The following ARPP21 variants were observed in gnomAD, a reference collection of about 807,000 sequenced individuals.
ARPP21 encodes cAMP regulated phosphoprotein 21.
In ARPP21, 69 loss-of-function variants were observed where a neutral mutation model predicts 113.2. The ratio of observed to expected loss-of-function variants is 0.61; its 90% confidence interval spans 0.50 to 0.74. The LOEUF (loss-of-function observed/expected upper bound fraction) is 0.74. ARPP21 is among the 30% of genes least tolerant of loss of function. The probability of loss-of-function intolerance (pLI) is 0.00; values close to 1 mark genes in which losing one functional copy is unlikely to be tolerated. For missense variants in ARPP21, 1,070 were observed against 1,037.4 expected (o/e 1.03, Z -0.43); for synonymous variants, 368 against 375.5 (o/e 0.98, Z 0.23).
At chr3:35,793,539 G>C (rs1194124058) in intron 20 of ARPP21, among the ~76,000 whole-genome samples, 162 bp from the exon 21 acceptor site, 2 of 152,218 alleles carry the variant, frequency 1.3e-5, no homozygotes, top group Non-Finnish European at 2.9e-5. Context: ...GAGAGGTTAA[G>C]TGACTTTCCT....
chr3:35,721,937 A>G (rs1576301612), intron 14 of ARPP21, 103 bp downstream of exon 14: 4 of 702,710 alleles, frequency 5.7e-6, no homozygotes, highest in Non-Finnish European at 9.4e-6. Flanking sequence ...GATAATGATG[A>G]TATTAATCAC....
At chr3:35,740,133 C>T (rs1186157191) in intron 18 of ARPP21, among the ~76,000 whole-genome samples, 1 of 152,174 alleles carries the variant, frequency 6.6e-6, no homozygotes, top group Admixed American at 6.5e-5. Context: ...TCACAGGTAG[C>T]CATTAATCAT....
intron 1 of ARPP21, among the ~76,000 whole-genome samples, chr3:35,666,846 G>T (rs2074490686): frequency 6.6e-6 from 1 of 152,040 alleles, no homozygotes. Flanking sequence ...AAATTAAACA[G>T]GTTTTTTTGA....
At chr3:35,776,223 A>C (rs1364631118) in intron 19 of ARPP21, among the ~76,000 whole-genome samples, 1 of 152,176 alleles carries the variant, frequency 6.6e-6, no homozygotes, top group Non-Finnish European at 1.5e-5. Flanking sequence ...TGTTAATTGA[A>C]ATATTATGCT....
chr3:35,738,199 T>A lies in ARPP21; in HGVS notation c.1645-15T>A. 6.7e-7 allele frequency: 1 copy of A among 1,500,156 alleles called. No homozygotes were observed. Among genetic ancestry groups the A allele is most frequent in the East Asian group, 2.5e-5 (1 of 40,762 alleles). 92.9% of individuals were successfully genotyped at this position (1,500,156 alleles called of 1,614,324 possible). A position where few individuals can be genotyped will look rare whatever the true frequency, so the allele number is the denominator to read the frequency against. ...GTGCTTTTCTGTCAGCTGATCAATTTTTTCTTTCCTCCAGTCTGTCCAGGG... is the reference window on the plus strand; with the variant it reads ...GTGCTTTTCTGTCAGCTGATCAATTATTTCTTTCCTCCAGTCTGTCCAGGG... On this transcript the variant is annotated splice_polypyrimidine_tract_variant and intron_variant, in intron 16 of 20. Coordinates refer to ENST00000684406, the MANE Select transcript of ARPP21 (RefSeq NM_001385562.1).
intron 19 of ARPP21, among the ~76,000 whole-genome samples, chr3:35,767,378 T>G (rs903834823): frequency 3.3e-5 from 5 of 152,188 alleles, no homozygotes; most frequent in Non-Finnish European, 5.9e-5. Context: ...TTTATACTGT[T>G]TCTGGACTCT....
At position 35,754,816 on chromosome 3, in the gene ARPP21, T is replaced by A. The variant is rs114543407; in HGVS notation, c.2137+10851T>A. Among the ~76,000 whole-genome samples the A allele has an allele frequency of 8.0e-3, 1,211 of 152,110 alleles. 16 individuals are homozygous for A. Among genetic ancestry groups the A allele is most frequent in the Middle Eastern group, 0.054 (16 of 294 alleles). Reference sequence around the variant, plus strand: ...TTGGTGTTTAAATTTACATTTGTTATGCAGTTAAGAACTACTGGTATTATT... The same window carrying A: ...TTGGTGTTTAAATTTACATTTGTTAAGCAGTTAAGAACTACTGGTATTATT... On this transcript the variant is annotated intron_variant, in intron 19 of 20. Transcript: ENST00000684406.
At chr3:35,789,768 C>T (rs1440252630) in intron 19 of ARPP21, among the ~76,000 whole-genome samples, 1 of 152,160 alleles carries the variant, frequency 6.6e-6, no homozygotes, top group Non-Finnish European at 1.5e-5. Flanking sequence ...ACCCAACCTG[C>T]CCACTCTTTT....
At chr3:35,728,739 C>T (rs1005028532) in intron 14 of ARPP21, among the ~76,000 whole-genome samples, 4 of 152,064 alleles carry the variant, frequency 2.6e-5, no homozygotes, top group Non-Finnish European at 5.9e-5. Flanking sequence ...TGCTCATATA[C>T]ACTATGATCC....
chr3:35,681,232 T>C (rs1318844969), intron 2 of ARPP21: 2 of 152,032 alleles, frequency 1.3e-5, no homozygotes, highest in East Asian at 3.9e-4. Flanking sequence ...ATAGTTTTTT[T>C]TGACCTTGCA....
intron 12 of ARPP21, among the ~76,000 whole-genome samples, chr3:35,716,026 G>C (rs2092342378): frequency 6.6e-6 from 1 of 152,100 alleles, no homozygotes; most frequent in African/African-American, 2.4e-5. Flanking sequence ...TGGCATAGGA[G>C]TTAGTAGGGG....
chr3:35,732,789 T>C (rs2094078989), intron 15 of ARPP21, among the ~76,000 whole-genome samples: 1 of 152,244 alleles, frequency 6.6e-6, no homozygotes, highest in Non-Finnish European at 1.5e-5. Flanking sequence ...TTTAGAGCTG[T>C]TCTCTTTCAA....
Position 35,794,076 on chromosome 3 carries a change from C to A in ARPP21, c.*118C>A. On this transcript the variant is annotated 3_prime_UTR_variant, in exon 21 of 21. Transcript: ENST00000684406. ...TCACTCAACACTCAAATGATTGCTG[C>A]TGGTATTCTGTAAAAAATAAACAAA... 1 of 872,824 alleles carries A rather than the reference C, an allele frequency of 1.1e-6. No homozygotes were observed. Among genetic ancestry groups the A allele is most frequent in the Non-Finnish European group, 1.8e-6 (1 of 567,812 alleles). The allele number at this position is 872,824 out of a possible 1,614,324, so 54.1% of individuals were successfully genotyped here. A position where few individuals can be genotyped will look rare whatever the true frequency, so the allele number is the denominator to read the frequency against.
chr3:35,748,435 G>C (rs201920403), intron 19 of ARPP21, among the ~76,000 whole-genome samples: 1 of 134,760 alleles, frequency 7.4e-6, no homozygotes, highest in Non-Finnish European at 1.6e-5. Context: ...GAAAGAAAGA[G>C]AAAGAAAGAA....
chr3:35,681,910 C>T, intron 3 of ARPP21, 30 bp downstream of exon 3: 2 of 1,608,280 alleles, frequency 1.2e-6, no homozygotes, highest in Non-Finnish European at 8.5e-7. Context: ...CCCTGACTCT[C>T]ATACAACTGT....
At chr3:35,774,676 C>G (rs2096301347) in intron 19 of ARPP21, 1 of 152,012 alleles carries the variant, frequency 6.6e-6, no homozygotes, top group Admixed American at 6.6e-5. Context: ...CCAGAAGAAA[C>G]CAGAGAAATT....
rs1277782030 is a variant in ARPP21, at chr3:35,764,828, A to G, written c.2137+20863A>G. 2.6e-5 allele frequency among the ~76,000 whole-genome samples: 4 copies of G among 152,268 alleles called. No homozygotes were observed. The East Asian group carries it at 5.8e-4, about 22-fold the overall frequency. ...AAAAAATTATAGTTCTGCCATTTGT[A>G]TATCATAGAAATACATATGCATAGA... On this transcript the variant is annotated intron_variant, in intron 19 of 20. Coordinates refer to ENST00000684406, the MANE Select transcript of ARPP21 (RefSeq NM_001385562.1).
chr3:35,639,352 G>A (rs557606867), upstream of ARPP21, among the ~76,000 whole-genome samples: 631 of 152,192 alleles, frequency 4.1e-3, 3 homozygotes, highest in African/African-American at 0.014. The surrounding 1 kb of genome is among the most constrained non-coding windows in gnomAD (Gnocchi z 5.0). Flanking sequence ...CCCGGGTGTG[G>A]CGGGTCTGGG....
chr3:35,667,849 AG>A (rs148574323), intron 1 of ARPP21, among the ~76,000 whole-genome samples: 1,007 of 87,478 alleles, frequency 0.012, 4 homozygotes, highest in African/African-American at 0.016. Flanking sequence ...TCAAAGAAGA[AG>A]AAGAAGAAGA....
Sources: allele counts gnomAD v4.1 joint callset (sites outside exome capture counted in the v4.1 genomes callset), GRCh38; gene constraint gnomAD v4.1.1; non-coding constraint Gnocchi (gnomAD v3.1); transcripts MANE v1.5; gene names NCBI Gene and HGNC (gene_info 2026-07-23, HGNC 2026-07-21).